PKD1: variants seen among roughly 807,000 people sequenced by gnomAD.
PKD1 encodes the protein polycystin-1.
In PKD1, 81 loss-of-function variants were observed where a neutral mutation model predicts 361.7. The ratio of observed to expected loss-of-function variants is 0.22; its 90% CI spans 0.19 to 0.27. PKD1 has a LOEUF of 0.27. Among genes scored for constraint, PKD1 ranks in the 10% least tolerant of loss-of-function variants. The pLI is 1.00. For synonymous variants in PKD1, 3,615 were observed against 2,818.3 expected, an observed-to-expected ratio of 1.28 and a Z score of -8.95; for missense variants, 6,399 against 6,118.3, an observed-to-expected ratio of 1.05 and a Z score of -1.53.
intron 15 of PKD1, 95 bp downstream of exon 15, chr16:2,108,134 GGGACGGGGCCCACCAGGCACTGA>G (rs2092407058): frequency 6.7e-7 from 1 of 1,484,318 alleles, no homozygotes; most frequent in Non-Finnish European, 9.3e-7. Context: ...TCCCCATGCT[GGGACGGGGCCCACCAGGCACTGA>G]GGACGGGCCA....
rs543537096 is a variant in PKD1 at position 2,130,623 on chromosome 16, G to A, written c.215+4852C>T. Among the ~76,000 whole-genome samples the A allele has an allele frequency of 3.9e-5, 6 of 152,328 alleles. No individual in the cohort carries two copies. The South Asian group carries it at 8.3e-4, about 21-fold the overall frequency. ...AGAAATGGGAGCCAGGGGCCCCTCCGTGGCCTGGCCAGCCCCCCAAGGAAG... is the reference window on the plus strand; with the variant it reads ...AGAAATGGGAGCCAGGGGCCCCTCCATGGCCTGGCCAGCCCCCCAAGGAAG... On this transcript the variant is annotated intron_variant, in intron 1 of 45. Coordinates refer to ENST00000262304, the MANE Select transcript of PKD1 (RefSeq NM_001009944.3).
In PKD1 at chr16:2,109,962, G is replaced by A. The variant is rs776708015; in HGVS notation, c.5205C>T (p.Ser1735=). The A allele has an allele frequency of 3.7e-5, 59 of 1,609,774 alleles. No individual in the cohort carries two copies. Among genetic ancestry groups the A allele is most frequent in the Middle Eastern group, 2.2e-4 (1 of 4,514 alleles). ...ASPNPAAVNT[S]VTLSAELAGG... ...CAGCCAGCTCGGCACTGAGGGTGACGCTTGTGTTGACGGCAGCTGGGTTCG... is the reference window on the plus strand; with the variant it reads ...CAGCCAGCTCGGCACTGAGGGTGACACTTGTGTTGACGGCAGCTGGGTTCG... The change falls in exon 15 of 46, where the codon AGC becomes AGT. Residue 1735 remains serine, a synonymous_variant. Coordinates refer to ENST00000262304, the MANE Select transcript of PKD1 (RefSeq NM_001009944.3).
chr16:2,107,937 G>T lies in PKD1; in HGVS notation c.7011C>A (p.Thr2337=), dbSNP rs768386929. 1.1e-4 allele frequency: 168 copies of T among 1,546,400 alleles called. No homozygotes were observed. Among genetic ancestry groups the T allele is most frequent in the Non-Finnish European group, 1.4e-4 (159 of 1,146,842 alleles). The part of the protein sequence containing the change: ...RERLAAGVEY[T]FSLTVWKAGR... ...CGGCCTTCCACACGGTCAGGCTGAA[G>T]GTGTACTCCACGCCAGCCGCCAGCC... is the stretch of plus-strand genomic sequence containing the variant. Residue 2337 remains threonine (T), a synonymous_variant, in exon 16 of 46, where the codon ACC becomes ACA. Coordinates refer to ENST00000262304, the MANE Select transcript of PKD1 (RefSeq NM_001009944.3).
In PKD1 at chr16:2,091,800, G is replaced by A. The variant is rs1224036911; in HGVS notation, c.11518C>T (p.His3840Tyr). ...SRDRLRFLQL[H>Y]NWLDNRSRAV... ...TCCCACCTGTTGTCCAGCCAGTTGT[G>A]CAGCTGCAGGAAGCGCAGCCGGTCG... Residue 3840 changes from histidine to tyrosine, a missense_variant, in exon 41 of 46, where the codon CAC becomes TAC. Transcript: ENST00000262304. 4 of 1,611,012 alleles carry A rather than the reference G, an allele frequency of 2.5e-6. No individual in the cohort carries two copies. Among genetic ancestry groups the A allele is most frequent in the South Asian group, 2.2e-5 (2 of 90,824 alleles).
chr16:2,125,579 G>A (rs1446650651), intron 1 of PKD1, among the ~76,000 whole-genome samples: 1 of 152,222 alleles, frequency 6.6e-6, no homozygotes, highest in Admixed American at 6.5e-5. Context: ...CTGAACGAGG[G>A]AGATGAGAAA....
chr16:2,126,010 G>C (rs985302641), intron 1 of PKD1, among the ~76,000 whole-genome samples: 2 of 152,070 alleles, frequency 1.3e-5, no homozygotes, highest in Non-Finnish European at 2.9e-5. Context: ...ATGGTGGGGG[G>C]GGGGGCAAGC....
intron 40 of PKD1, 57 bp downstream of exon 40, chr16:2,091,990 C>G (rs1297627058): frequency 1.9e-6 from 3 of 1,612,350 alleles, no homozygotes; most frequent in Non-Finnish European, 1.7e-6. Context: ...CGCGGCACTC[C>G]TGGAGAACTA....
rs151157369 is a variant in PKD1 at position 2,091,845 on chromosome 16, G to A, written c.11473C>T (p.Leu3825=). The A allele has an allele frequency of 6.4e-5, 103 of 1,610,360 alleles. No individual in the cohort carries two copies. Among genetic ancestry groups the A allele is most frequent in the Middle Eastern group, 3.3e-4 (2 of 6,058 alleles). The change falls in exon 41 of 46, where the codon CTG becomes TTG. Residue 3825 remains leucine, a synonymous_variant. Transcript: ENST00000262304. ...DSGGYVQELG[L]SLEESRDRLR... ...CGGTCGCGGCTCTCCTCCAGGCTCA[G>A]GCCCAGCTCCTGCACGTAGCCCCCG...
rs147253810 is a variant in PKD1, at chr16:2,109,089, G to A, written c.6078C>T (p.Val2026=). 2,544 of 1,603,832 alleles carry A rather than the reference G, an allele frequency of 1.6e-3. 20 individuals are homozygous for A. Among genetic ancestry groups the A allele is most frequent in the South Asian group, 0.012 (1,063 of 90,910 alleles). The change falls in exon 15 of 46, where the codon GTC becomes GTT. Residue 2026 remains valine, a synonymous_variant. Coordinates refer to ENST00000262304, the MANE Select transcript of PKD1 (RefSeq NM_001009944.3). ...GCCCCGCGGCCACGGGCGTGTAGGT[G>A]ACGTCGCGGCCCGACAGGATGACCA... The part of the protein sequence containing the change: ...DSLVILSGRD[V]TYTPVAAGLL...
rs751502749 is a variant in PKD1 at position 2,109,542 on chromosome 16, G to A, written c.5625C>T (p.Val1875=). The A allele has an allele frequency of 3.1e-6, 5 of 1,611,396 alleles. No individual in the cohort carries two copies. Among genetic ancestry groups the A allele is most frequent in the Non-Finnish European group, 3.4e-6 (4 of 1,179,496 alleles). The change falls in exon 15 of 46, where the codon GTC becomes GTT. Residue 1875 remains valine, a synonymous_variant. Coordinates refer to ENST00000262304, the MANE Select transcript of PKD1 (RefSeq NM_001009944.3). ...CCGCCGTGAGGTTGTACGTGGCTGA[G>A]ACCCAGCTGACTGCGTTGGAGGCAT... The part of the protein sequence containing the change: ...RLNASNAVSW[V]SATYNLTAEE...
In PKD1 at chr16:2,099,852, G is replaced by A. The variant is rs560457620; in HGVS notation, c.9923+9C>T. The stretch of plus-strand genomic sequence containing the variant: ...AGGAAGAGGCTGCCCCGACCCCTAC[G>A]GCACCCACCTGTAGGCAGAGTCGCC... On this transcript the variant is annotated intron_variant, in intron 29 of 45. Coordinates refer to ENST00000262304, the MANE Select transcript of PKD1 (RefSeq NM_001009944.3). The A allele has an allele frequency of 4.9e-5, 77 of 1,563,800 alleles. No individual in the cohort carries two copies. Among genetic ancestry groups the A allele is most frequent in the African/African-American group, 1.1e-4 (8 of 73,876 alleles).
intron 1 of PKD1, chr16:2,133,132 GGGGCAGGGA>G (rs1360099090): frequency 6.6e-6 from 1 of 150,528 alleles, no homozygotes; most frequent in African/African-American, 2.5e-5. Context: ...GAGAAGGGTC[GGGGCAGGGA>G]GGGCAGGGCA....
At chr16:2,105,528 A>C (rs533211477) in intron 20 of PKD1, 54 bp from the exon 21 acceptor site, 114 of 1,594,846 alleles carry the variant, frequency 7.1e-5, no homozygotes, top group Admixed American at 1.0e-4. Flanking sequence ...GGCCGGCAGG[A>C]GGCCAGCAGA....
At position 2,093,750 on chromosome 16, in the gene PKD1, G is replaced by A. The variant is rs1412429625; in HGVS notation, c.10822-12C>T. ...GCTTCCAGCAAGACCTGGGGAGGGG[G>A]TGGCTTCAGAGGGGTCCCCCGTGAT... On this transcript the variant is annotated splice_polypyrimidine_tract_variant and intron_variant, in intron 36 of 45. Coordinates refer to ENST00000262304, the MANE Select transcript of PKD1 (RefSeq NM_001009944.3). 1.1e-5 allele frequency: 18 copies of A among 1,573,452 alleles called. No homozygotes were observed. The highest frequency in any genetic ancestry group is 3.3e-4 in the Middle Eastern group (2 of 6,042).
chr16:2,091,530 G>T lies in PKD1; in HGVS notation c.11605C>A (p.Leu3869Met), dbSNP rs757250645. 6.7e-7 allele frequency: 1 copy of T among 1,496,856 alleles called. No homozygotes were observed. 92.7% of individuals were successfully genotyped at this position (1,496,856 alleles called of 1,614,324 possible). The part of the protein sequence containing the change: ...PAVGLHAAVT[L>M]RLEFPAAGRA... The stretch of plus-strand genomic sequence containing the variant: ...CCGGCCGCCGGGAACTCGAGGCGCA[G>T]CGTGACGGCGGCGTGCAGCCCCACG... Residue 3869 changes from leucine to methionine, a missense_variant, in exon 42 of 46, where the codon CTG (leucine) becomes ATG (methionine). By Grantham distance (15) the Leu-to-Met change is conservative. Transcript: ENST00000262304.
Position 2,118,928 on chromosome 16 carries a change from G to A in PKD1, c.360-83C>T, listed in dbSNP as rs2092681167. The A allele has an allele frequency of 5.8e-6, 4 of 689,854 alleles. No homozygotes were observed. Among genetic ancestry groups the A allele is most frequent in the South Asian group, 3.6e-5 (2 of 55,302 alleles). 42.7% of individuals were successfully genotyped at this position (689,854 alleles called of 1,614,324 possible). ...CCCCCACTGGCAACCAGGCCCTGGA[G>A]CCACCCTGACAGCACCGCCTCCCCT... On this transcript the variant is annotated intron_variant, in intron 3 of 45. Transcript: ENST00000262304. The surrounding 1 kb of genome is among the most constrained non-coding windows in gnomAD (Gnocchi z 6.0).
At chr16:2,129,250 C>G (rs1295524370) in intron 1 of PKD1, among the ~76,000 whole-genome samples, 2 of 150,242 alleles carry the variant, frequency 1.3e-5, no homozygotes, top group African/African-American at 2.5e-5. Flanking sequence ...GTCTCAACCT[C>G]ATAGACTCAG....
intron 22 of PKD1, 25 bp from the exon 23 acceptor site, chr16:2,103,920 C>T (rs2092211555): frequency 6.3e-6 from 9 of 1,417,400 alleles, no homozygotes; most frequent in Non-Finnish European, 8.4e-6. Flanking sequence ...GAGGTCAGTG[C>T]AGAGACAGGG....
chr16:2,090,120 C>T lies in PKD1; in HGVS notation c.12519G>A (p.Pro4173=), dbSNP rs754564600. 8 of 1,600,098 alleles carry T rather than the reference C, an allele frequency of 5.0e-6. No homozygotes were observed. The highest frequency in any genetic ancestry group is 1.1e-5 in the South Asian group (1 of 90,200). ...AGCCAGCGCTGGGTGGGGGCACATC[C>T]GGGGATACCTTGGAGCCCCTGGAGG... ...SRSSRGSKVS[P]DVPPPSAGSD... Residue 4173 remains proline, a synonymous_variant, in exon 46 of 46, where the codon CCG becomes CCA. Transcript: ENST00000262304.
Sources: allele counts gnomAD v4.1 joint callset (sites outside exome capture counted in the v4.1 genomes callset), GRCh38; gene constraint gnomAD v4.1.1; non-coding constraint Gnocchi (gnomAD v3.1); transcripts MANE v1.5; gene names NCBI Gene and HGNC (gene_info 2026-07-23, HGNC 2026-07-21).